SYNE1: variants seen among roughly 807,000 people sequenced by gnomAD.
The protein encoded by SYNE1 is nesprin-1.
In SYNE1, 616 loss-of-function variants were observed where a neutral mutation model predicts 1,111.0. The ratio of observed to expected loss-of-function variants is 0.55; its 90% CI spans 0.52 to 0.59. SYNE1 has a LOEUF of 0.59. SYNE1 is among the 20% of genes least tolerant of loss of function. SYNE1 has a pLI of 0.00. For synonymous variants in SYNE1, 3,855 were observed against 3,825.8 expected (o/e 1.01, Z -0.28); for missense variants, 10,006 against 10,417.0 (o/e 0.96, Z 1.72).
At chr6:152,271,261 T>C (rs996063133) in intron 98 of SYNE1, among the ~76,000 whole-genome samples, 3 of 152,216 alleles carry the variant, frequency 2.0e-5, no homozygotes, top group Admixed American at 6.5e-5. Context: ...AATCTCATGA[T>C]TAAATTGTCT....
chr6:152,502,803 C>G, intron 9 of SYNE1, 61 bp from the exon 10 acceptor site: 1 of 1,277,588 alleles, frequency 7.8e-7, no homozygotes, highest in Non-Finnish European at 1.1e-6. Flanking sequence ...TTTGATAATA[C>G]AAGTTTGGTA....
intron 126 of SYNE1, 87 bp from the exon 127 acceptor site, chr6:152,202,036 C>T: frequency 6.6e-7 from 1 of 1,517,634 alleles, no homozygotes; most frequent in Non-Finnish European, 9.0e-7. Flanking sequence ...CTTCTTCATT[C>T]CCAGAGAAAG....
rs1298545597 is a variant in SYNE1 at position 152,330,709 on chromosome 6, G to T, written c.13976C>A (p.Ala4659Asp). ...PRQFNVIVAL[A>D]KDKFYKVQEA... Reference sequence around the variant, plus strand: ...CTGGACTTTATAGAACTTGTCTTTAGCCAAGGCAACAATTACATTAAATTG... The same window carrying T: ...CTGGACTTTATAGAACTTGTCTTTATCCAAGGCAACAATTACATTAAATTG... The change falls in exon 78 of 146, where the codon GCT (alanine) becomes GAT (aspartate). Residue 4659 changes from alanine (A) to aspartate (D), a missense_variant. Coordinates refer to ENST00000367255, the MANE Select transcript of SYNE1 (RefSeq NM_182961.4). The T allele has an allele frequency of 3.1e-6, 5 of 1,613,978 alleles. No individual in the cohort carries two copies. In the South Asian group the frequency reaches 5.5e-5, roughly 18 times the overall value.
At position 152,133,648 on chromosome 6, in the gene SYNE1, T is replaced by G. The variant is rs537689852; in HGVS notation, c.25789-160A>C. ...AGGATGCAGCAGCTCACGGCCTGAG[T>G]TCTAATCCTGCCTCTGCCAAAAATA... is the stretch of plus-strand genomic sequence containing the variant. On this transcript the variant is annotated intron_variant, in intron 142 of 145. Transcript: ENST00000367255. The G allele has an allele frequency of 4.3e-4, 311 of 725,016 alleles. 4 individuals carry two copies. The East Asian group carries it at 8.3e-3, about 19-fold the overall frequency. 44.9% of individuals were successfully genotyped at this position (725,016 alleles called of 1,614,324 possible).
At chr6:152,573,321 A>C (rs1176995812) in intron 3 of SYNE1, among the ~76,000 whole-genome samples, 2 of 95,426 alleles carry the variant, frequency 2.1e-5, no homozygotes, top group Non-Finnish European at 4.2e-5. Context: ...TCCTAATGCT[A>C]TCCCCCCCCC....
At chr6:152,560,356 A>T (rs1031867618) in intron 3 of SYNE1, among the ~76,000 whole-genome samples, 14 of 152,030 alleles carry the variant, frequency 9.2e-5, no homozygotes, top group Admixed American at 7.9e-4. Flanking sequence ...ACAGAGCGAG[A>T]CTCCATCTCA....
intron 83 of SYNE1, 85 bp from the exon 84 acceptor site, chr6:152,321,475 A>C: frequency 6.7e-7 from 1 of 1,498,528 alleles, no homozygotes; most frequent in South Asian, 1.2e-5. Context: ...TCATCAACAT[A>C]TAATTAAGTG....
intron 4 of SYNE1, among the ~76,000 whole-genome samples, chr6:152,534,715 A>G (rs1047206501): frequency 6.6e-6 from 1 of 152,208 alleles, no homozygotes; most frequent in African/African-American, 2.4e-5. Context: ...CAAAATGTGT[A>G]CAAGGAAACA....
rs62427038 is a variant in SYNE1 at position 152,465,312 on chromosome 6, T to C, written c.1878A>G (p.Gln626=). ...DRYGNTVASL[Q]AWLEDAEKML... is the part of the protein sequence containing the mutation. ...TTTTTTCAGCATCCTCTAGCCAGGC[T>C]TGCAGACTAGCCACTGTATTGCCAT... The change falls in exon 18 of 146, where the codon CAA becomes CAG. Residue 626 remains glutamine (Q), a synonymous_variant. Transcript: ENST00000367255. 11,922 of 1,613,854 alleles carry C rather than the reference T, an allele frequency of 7.4e-3. 67 individuals are homozygous for C. Among genetic ancestry groups the C allele is most frequent in the Non-Finnish European group, 9.2e-3 (10,808 of 1,179,808 alleles).
chr6:152,559,823 ACAAT>A (rs1172089048), intron 3 of SYNE1, among the ~76,000 whole-genome samples: 1 of 152,174 alleles, frequency 6.6e-6, no homozygotes, highest in Non-Finnish European at 1.5e-5. Context: ...ACAAGAGAAA[ACAAT>A]CAATGAAACT....
intron 110 of SYNE1, 57 bp downstream of exon 110, chr6:152,236,050 C>T: frequency 6.4e-7 from 1 of 1,573,786 alleles, no homozygotes. Context: ...CCCGCACTAG[C>T]CTTATTAATA....
At chr6:152,583,273 T>G (rs1332207804) in intron 3 of SYNE1, among the ~76,000 whole-genome samples, 4 of 152,130 alleles carry the variant, frequency 2.6e-5, no homozygotes, top group Non-Finnish European at 4.4e-5. Context: ...TGAAGGTCAC[T>G]CAGGGTGGAG....
At chr6:152,293,823 G>A in intron 94 of SYNE1, 74 bp from the exon 95 acceptor site, 8 of 1,611,620 alleles carry the variant, frequency 5.0e-6, no homozygotes, top group Non-Finnish European at 6.8e-6. Flanking sequence ...TCTTTCTTCA[G>A]TGCTTTACCT....
chr6:152,165,360 T>C (rs991971092), intron 130 of SYNE1, among the ~76,000 whole-genome samples: 2 of 152,236 alleles, frequency 1.3e-5, no homozygotes, highest in Non-Finnish European at 2.9e-5. Context: ...AGTGAAAATG[T>C]AGTCATTTGA....
intron 56 of SYNE1, among the ~76,000 whole-genome samples, chr6:152,379,591 T>A (rs1351009726): frequency 2.0e-5 from 3 of 152,156 alleles, no homozygotes; most frequent in African/African-American, 7.2e-5. Context: ...GATAGAAATA[T>A]CTCCACTTTT....
chr6:152,218,851 T>A, intron 120 of SYNE1, 152 bp downstream of exon 120: 1 of 839,774 alleles, frequency 1.2e-6, no homozygotes, highest in Non-Finnish European at 1.9e-6. Flanking sequence ...ACCTTCATCG[T>A]CCCCACCAGA....
In SYNE1 at chr6:152,308,568, C is replaced by G. The variant is rs754009563; in HGVS notation, c.17267G>C (p.Gly5756Ala). The change falls in exon 91 of 146, where the codon GGA becomes GCA. Residue 5756 changes from glycine to alanine, a missense_variant. Gly to Ala is a moderately conservative substitution (Grantham distance 60, BLOSUM62 0). Transcript: ENST00000367255. ...TTTATCCTCAATCTCTCTGTGAGCTCCTTCTATCAGTTGCTGGAGATGTTT... is the reference window on the plus strand; with the variant it reads ...TTTATCCTCAATCTCTCTGTGAGCTGCTTCTATCAGTTGCTGGAGATGTTT... ...EMKHLQQLIE[G>A]AHREIEDKPV... is the part of the protein sequence containing the mutation. 6.2e-7 allele frequency: 1 copy of G among 1,613,876 alleles called. No homozygotes were observed. The highest frequency in any genetic ancestry group is 1.1e-5 in the South Asian group (1 of 91,072).
At chr6:152,608,920 A>T (rs2099623431) in intron 3 of SYNE1, among the ~76,000 whole-genome samples, 1 of 147,998 alleles carries the variant, frequency 6.8e-6, no homozygotes, top group Non-Finnish European at 1.5e-5. Context: ...TGACAGAGCG[A>T]GACTCTGTGG....
intron 42 of SYNE1, among the ~76,000 whole-genome samples, chr6:152,411,602 T>C (rs1022742619): frequency 1.3e-5 from 2 of 152,116 alleles, no homozygotes; most frequent in Non-Finnish European, 2.9e-5. Context: ...TAACAAAATA[T>C]GTTCAACGTC....
Sources: gnomAD v4.1 joint callset for allele counts (sites outside exome capture counted in the v4.1 genomes callset) on GRCh38, gnomAD v4.1.1 for gene constraint, MANE v1.5 for transcripts, NCBI Gene and HGNC (gene_info 2026-07-23, HGNC 2026-07-21) for gene names.